Variants in SOS2 observed in about 807,000 individuals in gnomAD.
SOS2 encodes the protein SOS Ras/Rho guanine nucleotide exchange factor 2.
In SOS2, 65 loss-of-function variants were observed where a neutral mutation model predicts 148.2. The observed-to-expected ratio is 0.44, with a 90% CI of 0.36 to 0.54. The LOEUF (loss-of-function observed/expected upper bound fraction) is 0.54, where lower values mean the gene tolerates loss of function less well. Ranked by LOEUF, SOS2 falls within the 20% of genes least tolerant of loss-of-function variation. The pLI, the probability that SOS2 is intolerant of heterozygous loss-of-function variation, is 0.00. For missense variants in SOS2, 1,341 were observed against 1,590.2 expected (o/e 0.84, Z 2.67); for synonymous variants, 539 against 537.1 (o/e 1.00, Z -0.05).
intron 13 of SOS2, among the ~76,000 whole-genome samples, chr14:50,150,735 T>G (rs1884635550): frequency 6.6e-6 from 1 of 152,036 alleles, no homozygotes; most frequent in Non-Finnish European, 1.5e-5. Flanking sequence ...TTTTTGTATT[T>G]TTTTTGAAAT....
At chr14:50,187,472 G>A (rs1019431572) in intron 5 of SOS2, among the ~76,000 whole-genome samples, 6 of 150,614 alleles carry the variant, frequency 4.0e-5, no homozygotes, top group South Asian at 2.1e-4. Context: ...CTCAGCCTCC[G>A]GAGTAGCTGG....
chr14:50,197,808 C>G (rs1030314603), intron 4 of SOS2, among the ~76,000 whole-genome samples: 11 of 151,564 alleles, frequency 7.3e-5, no homozygotes, highest in Non-Finnish European at 1.5e-4. Context: ...CGTGCCTCAG[C>G]CTCCCAAGCA....
At chr14:50,165,846 C>T (rs951888797) in intron 8 of SOS2, among the ~76,000 whole-genome samples, 21 of 152,078 alleles carry the variant, frequency 1.4e-4, no homozygotes, top group African/African-American at 3.9e-4. Context: ...CTCTGTAACA[C>T]GAGGTACTAT....
At chr14:50,224,891 AAAAAAAAG>A (rs1887320508) in intron 1 of SOS2, among the ~76,000 whole-genome samples, 1 of 151,234 alleles carries the variant, frequency 6.6e-6, no homozygotes, top group Non-Finnish European at 1.5e-5. Flanking sequence ...GTCAAAAAAA[AAAAAAAAG>A]AGAGAGAGAG....
chr14:50,155,587 T>C (rs921604263), intron 12 of SOS2, among the ~76,000 whole-genome samples: 5 of 152,198 alleles, frequency 3.3e-5, no homozygotes, highest in African/African-American at 9.6e-5. Flanking sequence ...GGGATGTATT[T>C]TTCTAAGTCA....
intron 18 of SOS2, among the ~76,000 whole-genome samples, chr14:50,136,591 CTTTTTT>C (rs33937285): frequency 2.2e-5 from 3 of 139,422 alleles, no homozygotes; most frequent in African/African-American, 5.3e-5. Context: ...GAGCAAGTAT[CTTTTTT>C]TTTTTTTTTT....
chr14:50,160,418 C>A (rs1266356301), intron 9 of SOS2, among the ~76,000 whole-genome samples: 1 of 114,382 alleles, frequency 8.7e-6, no homozygotes, highest in Non-Finnish European at 1.8e-5. Flanking sequence ...TTTTTTGGAG[C>A]TCTTGTCCCC....
chr14:50,166,456 T>C (rs1025837894), intron 8 of SOS2, among the ~76,000 whole-genome samples: 1 of 152,148 alleles, frequency 6.6e-6, no homozygotes, highest in African/African-American at 2.4e-5. Flanking sequence ...CTCAAATTCC[T>C]GAGCTCCAGC....
At chr14:50,230,687 T>C (rs1185797800) in intron 1 of SOS2, 1 of 154,800 alleles carries the variant, frequency 6.5e-6, no homozygotes, top group Non-Finnish European at 1.4e-5. Flanking sequence ...TTGAGAACTG[T>C]AAAATGAATA....
Position 50,165,935 on chromosome 14 carries a change from C to T in SOS2, c.1069-4326G>A, listed in dbSNP as rs549887888. Among the ~76,000 whole-genome samples the T allele has an allele frequency of 4.1e-4, 63 of 152,238 alleles. 1 individual carries two copies. The highest frequency in any genetic ancestry group is 2.2e-3 in the Admixed American group (33 of 15,288). ...CCAATATAAATAGGAGAGTTTATAT[C>T]CAAACCCAGGAGCTCTGACCCCAAA... On this transcript the variant is annotated intron_variant, in intron 8 of 22. Transcript: ENST00000216373.
chr14:50,185,848 G>T (rs1043299583), intron 5 of SOS2, among the ~76,000 whole-genome samples: 3 of 152,146 alleles, frequency 2.0e-5, no homozygotes, highest in Non-Finnish European at 4.4e-5. Flanking sequence ...CACTTGAAAT[G>T]TAATAACCTA....
At chr14:50,219,257 C>T (rs1887130159) in intron 1 of SOS2, among the ~76,000 whole-genome samples, 1 of 151,872 alleles carries the variant, frequency 6.6e-6, no homozygotes, top group African/African-American at 2.4e-5. Flanking sequence ...TTTGAATAGC[C>T]AAGATCTGAA....
At position 50,172,419 on chromosome 14, in the gene SOS2, C is replaced by CTTTTTTTTTTTTTTTTTTTTTTTTTTTTT. The variant is rs768766517; in HGVS notation, c.1068+2034_1068+2035insAAAAAAAAAAAAAAAAAAAAAAAAAAAAA. On this transcript the variant is annotated intron_variant, in intron 8 of 22. Transcript: ENST00000216373. ...ATGGGTAGTTTCTCTTTATTCATTC[C>CTTTTTTTTTTTTTTTTTTTTTTTTTTTTT]TTTTTTTTTTTTTTCTGAGATGGAG... 6.0e-5 allele frequency among the ~76,000 whole-genome samples: 5 copies of CTTTTTTTTTTTTTTTTTTTTTTTTTTTTT among 82,762 alleles called. 2 individuals are homozygous for CTTTTTTTTTTTTTTTTTTTTTTTTTTTTT. The highest frequency in any genetic ancestry group is 3.4e-4 in the Admixed American group (2 of 5,886). 54.3% of individuals were successfully genotyped at this position (82,762 alleles called of 152,430 possible). A position where few individuals can be genotyped will look rare whatever the true frequency, so the allele number is the denominator to read the frequency against.
intron 1 of SOS2, among the ~76,000 whole-genome samples, chr14:50,210,652 A>G (rs1886838331): frequency 6.6e-6 from 1 of 152,058 alleles, no homozygotes; most frequent in Non-Finnish European, 1.5e-5. Flanking sequence ...AAAGGCTCAT[A>G]TCTAGAATAT....
In SOS2 at chr14:50,133,242, C is replaced by CTTTTTTTTTTTT. The variant is rs753590435; in HGVS notation, c.3075+880_3075+881insAAAAAAAAAAAA. ...TTTCCATGAACTTTTTTTCTTTTTT[C>CTTTTTTTTTTTT]TTTTTTCTTTTTTTTTTTTTTTGAG... On this transcript the variant is annotated intron_variant, in intron 19 of 22. Coordinates refer to ENST00000216373, the MANE Select transcript of SOS2 (RefSeq NM_006939.4). 1.6e-3 allele frequency among the ~76,000 whole-genome samples: 123 copies of CTTTTTTTTTTTT among 78,788 alleles called. 9 individuals are homozygous for CTTTTTTTTTTTT. The highest frequency in any genetic ancestry group is 9.8e-3 in the Middle Eastern group (1 of 102). 51.7% of individuals were successfully genotyped at this position (78,788 alleles called of 152,430 possible). A position where few individuals can be genotyped will look rare whatever the true frequency, so the allele number is the denominator to read the frequency against.
At chr14:50,214,272 T>A (rs1595030663) in intron 1 of SOS2, among the ~76,000 whole-genome samples, 1 of 151,638 alleles carries the variant, frequency 6.6e-6, no homozygotes, top group East Asian at 1.9e-4. Flanking sequence ...GTCCAAAAAG[T>A]CTAGCAGTAA....
intron 14 of SOS2, among the ~76,000 whole-genome samples, chr14:50,149,189 C>A (rs1476573639): frequency 1.3e-5 from 2 of 152,172 alleles, no homozygotes; most frequent in African/African-American, 4.8e-5. Flanking sequence ...AGCCATCATA[C>A]CCAGCCAAGC....
intron 10 of SOS2, among the ~76,000 whole-genome samples, 195 bp from the exon 11 acceptor site, chr14:50,158,841 AAT>A (rs1884901668): frequency 6.6e-6 from 1 of 152,114 alleles, no homozygotes; most frequent in South Asian, 2.1e-4. Context: ...TGACATAGAG[AAT>A]ATACTATGGT....
chr14:50,189,287 T>C (rs1436110958), intron 4 of SOS2, among the ~76,000 whole-genome samples: 1 of 122,738 alleles, frequency 8.1e-6, no homozygotes, highest in African/African-American at 3.2e-5. Flanking sequence ...TATGTATATG[T>C]ATATATGTAT....
Sources: allele counts gnomAD v4.1 joint callset (sites outside exome capture counted in the v4.1 genomes callset), GRCh38; gene constraint gnomAD v4.1.1; transcripts MANE v1.5; gene names NCBI Gene and HGNC (gene_info 2026-07-23, HGNC 2026-07-21).